The following EPHA5 variants were observed in gnomAD, a reference collection of about 807,000 sequenced individuals.
EPHA5 encodes ephrin type-A receptor 5.
Under a neutral mutation model 105.0 loss-of-function variants are expected in EPHA5, and 60 were observed. That is an observed-to-expected ratio of 0.57 (90% CI 0.46 to 0.71). EPHA5 has a LOEUF of 0.71. Among genes scored for constraint, EPHA5 ranks in the 30% least tolerant of loss-of-function variants. The probability of loss-of-function intolerance (pLI) is 0.00; values close to 1 mark genes in which losing one functional copy is unlikely to be tolerated. For missense variants in EPHA5, 1,218 were observed against 1,274.7 expected (o/e 0.96, Z 0.68); for synonymous variants, 513 against 449.1 (o/e 1.14, Z -1.80).
intron 3 of EPHA5, among the ~76,000 whole-genome samples, chr4:65,524,866 G>A (rs1163049298): frequency 6.6e-6 from 1 of 151,648 alleles, no homozygotes; most frequent in African/African-American, 2.4e-5. Flanking sequence ...TCTAGTAGTT[G>A]TTTCTACAAA....
chr4:65,507,656 T>G (rs1733184791), intron 3 of EPHA5, among the ~76,000 whole-genome samples: 1 of 152,138 alleles, frequency 6.6e-6, no homozygotes, highest in Non-Finnish European at 1.5e-5. Flanking sequence ...ACTCATGATT[T>G]TCCTCCCTAT....
intron 2 of EPHA5, among the ~76,000 whole-genome samples, chr4:65,642,528 T>C (rs1747755724): frequency 1.3e-5 from 2 of 152,150 alleles, no homozygotes; most frequent in Admixed American, 1.3e-4. Flanking sequence ...TCTGTAACTT[T>C]TAACAACTAA....
intron 3 of EPHA5, among the ~76,000 whole-genome samples, chr4:65,526,204 A>G (rs1456028920): frequency 6.6e-6 from 1 of 151,928 alleles, no homozygotes; most frequent in Non-Finnish European, 1.5e-5. Flanking sequence ...CTACATGGAT[A>G]TAAAGGGAAA....
intron 7 of EPHA5, among the ~76,000 whole-genome samples, chr4:65,405,578 TC>T (rs1320668391): frequency 6.6e-6 from 1 of 152,316 alleles, no homozygotes; most frequent in South Asian, 2.1e-4. Flanking sequence ...CTGAGGACCC[TC>T]TTGCACTGAT....
At chr4:65,473,259 C>T (rs138236813) in intron 5 of EPHA5, among the ~76,000 whole-genome samples, 13 of 152,270 alleles carry the variant, frequency 8.5e-5, no homozygotes, top group East Asian at 1.9e-4. Context: ...GCCCTTCAAA[C>T]GATGCCAACC....
chr4:65,387,289 A>G (rs1027359673), intron 8 of EPHA5, among the ~76,000 whole-genome samples: 7 of 152,048 alleles, frequency 4.6e-5, no homozygotes, highest in Admixed American at 3.9e-4. Flanking sequence ...AAAGGCTTGG[A>G]TACACTGGAG....
In EPHA5 at chr4:65,670,402, G is replaced by C. The variant is rs1578747340; in HGVS notation, c.-660C>G. Reference sequence around the variant, plus strand: ...GCGCTGCGGCGGCCCAGGAGCTGCTGCGGTTCCCGCTGCTCGGGGAGCAGG... The same window carrying C: ...GCGCTGCGGCGGCCCAGGAGCTGCTCCGGTTCCCGCTGCTCGGGGAGCAGG... On this transcript the variant is annotated 5_prime_UTR_variant, in exon 1 of 17. Transcript: ENST00000613740. 2.1e-5 allele frequency: 5 copies of C among 233,682 alleles called. No individual in the cohort carries two copies. In the East Asian group the frequency reaches 3.0e-4, roughly 14 times the overall value. 14.5% of individuals were successfully genotyped at this position (233,682 alleles called of 1,614,324 possible).
At chr4:65,569,667 A>T (rs1163281950) in intron 3 of EPHA5, among the ~76,000 whole-genome samples, 4 of 151,744 alleles carry the variant, frequency 2.6e-5, no homozygotes, top group Non-Finnish European at 4.4e-5. Context: ...ATGAAAGCAA[A>T]AACAAAATGA....
At chr4:65,550,906 G>A (rs1737832410) in intron 3 of EPHA5, among the ~76,000 whole-genome samples, 1 of 151,748 alleles carries the variant, frequency 6.6e-6, no homozygotes, top group Non-Finnish European at 1.5e-5. Flanking sequence ...ATGAATCAAT[G>A]TCAAAAAAAT....
rs200018426 is a variant in EPHA5, at chr4:65,610,112, T to TA, written c.247-7809dup. 2.8e-3 allele frequency among the ~76,000 whole-genome samples: 432 copies of TA among 151,584 alleles called. 6 individuals are homozygous for TA. The highest frequency in any genetic ancestry group is 0.015 in the East Asian group (79 of 5,128). ...AGATGCCCATCAACAGCGAACAGGA[T>TA]AAAAAAATGTGGTAAATATAGACTA... On this transcript the variant is annotated intron_variant, in intron 2 of 16. Coordinates refer to ENST00000613740, the MANE Select transcript of EPHA5 (RefSeq NM_001281766.3).
At chr4:65,482,483 T>C (rs1277736206) in intron 5 of EPHA5, among the ~76,000 whole-genome samples, 1 of 152,086 alleles carries the variant, frequency 6.6e-6, no homozygotes, top group Non-Finnish European at 1.5e-5. Flanking sequence ...AGTGATTTCA[T>C]TTCTTTAGGG....
intron 3 of EPHA5, among the ~76,000 whole-genome samples, chr4:65,501,636 T>C (rs556609085): frequency 7.4e-4 from 113 of 151,880 alleles, no homozygotes; most frequent in Non-Finnish European, 9.0e-4. Context: ...CATTCCATAC[T>C]TATGGATCAG....
chr4:65,568,537 G>C (rs191999260), intron 3 of EPHA5, among the ~76,000 whole-genome samples: 15 of 150,558 alleles, frequency 1.0e-4, no homozygotes, highest in Non-Finnish European at 1.9e-4. Context: ...TAACAACAAC[G>C]CATCCCTTTT....
chr4:65,507,347 C>A (rs1733143960), intron 3 of EPHA5, among the ~76,000 whole-genome samples: 1 of 152,062 alleles, frequency 6.6e-6, no homozygotes, highest in Admixed American at 6.6e-5. Context: ...CTTGGCAATG[C>A]AGGCTCTTTT....
intron 5 of EPHA5, among the ~76,000 whole-genome samples, chr4:65,486,849 T>C (rs1730928979): frequency 6.6e-6 from 1 of 152,222 alleles, no homozygotes; most frequent in Admixed American, 6.5e-5. Flanking sequence ...TCATGTTTAA[T>C]TGTAATTCCC....
At chr4:65,595,167 AT>A (rs950786121) in intron 3 of EPHA5, among the ~76,000 whole-genome samples, 35 of 147,158 alleles carry the variant, frequency 2.4e-4, no homozygotes, top group Non-Finnish European at 3.9e-4. Flanking sequence ...AAAAAAAAAA[AT>A]CTTATTTCCC....
intron 11 of EPHA5, among the ~76,000 whole-genome samples, chr4:65,362,293 C>T (rs1717408728): frequency 6.6e-6 from 1 of 151,524 alleles, no homozygotes; most frequent in African/African-American, 2.4e-5. Context: ...GCACTTATGT[C>T]TCATTATCTG....
chr4:65,479,194 T>G (rs1375652540), intron 5 of EPHA5, among the ~76,000 whole-genome samples: 1 of 152,212 alleles, frequency 6.6e-6, no homozygotes. Flanking sequence ...TTTTGTATAT[T>G]TAGCTCATTT....
chr4:65,493,947 T>C (rs1263790408), intron 4 of EPHA5, among the ~76,000 whole-genome samples: 4 of 152,252 alleles, frequency 2.6e-5, no homozygotes, highest in Admixed American at 1.3e-4. Context: ...CTCTGTTGTC[T>C]AGCCAACATT....
Sources: allele counts gnomAD v4.1 joint callset (sites outside exome capture counted in the v4.1 genomes callset), GRCh38; gene constraint gnomAD v4.1.1; transcripts MANE v1.5; gene names NCBI Gene and HGNC (gene_info 2026-07-23, HGNC 2026-07-21).